XRCC4: variants seen among roughly 807,000 people sequenced by gnomAD.
XRCC4 encodes the protein DNA repair protein XRCC4.
XRCC4 carries 28 observed loss-of-function variants against 39.1 expected under a neutral mutation model. The ratio of observed to expected loss-of-function variants is 0.72; its 90% confidence interval spans 0.53 to 0.98. XRCC4 has a LOEUF of 0.98. XRCC4 is among the 50% of genes least tolerant of loss of function. XRCC4 has a pLI of 0.00. For synonymous variants in XRCC4, 123 were observed against 126.4 expected, an observed-to-expected ratio of 0.97 and a Z score of 0.18; for missense variants, 350 against 376.4, an observed-to-expected ratio of 0.93 and a Z score of 0.58.
downstream of XRCC4, chr5:83,356,683 A>G (rs536355235): frequency 1.3e-5 from 6 of 454,902 alleles, no homozygotes; most frequent in African/African-American, 1.0e-4. Flanking sequence ...TCCAGATCCT[A>G]TTATTCCATA....
At chr5:83,238,349 G>A (rs952425961) in intron 6 of XRCC4, among the ~76,000 whole-genome samples, 5 of 152,170 alleles carry the variant, frequency 3.3e-5, no homozygotes, top group Admixed American at 6.5e-5. Flanking sequence ...CTTAATGAAT[G>A]CTTTTGATTT....
intron 6 of XRCC4, among the ~76,000 whole-genome samples, chr5:83,243,011 A>G (rs1752971582): frequency 6.6e-6 from 1 of 152,220 alleles, no homozygotes; most frequent in South Asian, 2.1e-4. Flanking sequence ...TAGATTTTCA[A>G]TTATGATATC....
chr5:83,282,224 T>TAAAACC (rs994375373), intron 7 of XRCC4, among the ~76,000 whole-genome samples: 18 of 152,150 alleles, frequency 1.2e-4, no homozygotes, highest in African/African-American at 4.1e-4. Context: ...ATGAGTGCCT[T>TAAAACC]AAAACCGTTT....
intron 7 of XRCC4, among the ~76,000 whole-genome samples, chr5:83,278,942 C>T (rs1174324768): frequency 1.4e-5 from 2 of 146,482 alleles, no homozygotes; most frequent in South Asian, 2.1e-4. Flanking sequence ...GAGCCGAGAT[C>T]GTGCCACTCC....
At chr5:83,304,424 T>A (rs1755406794) in intron 7 of XRCC4, among the ~76,000 whole-genome samples, 1 of 152,202 alleles carries the variant, frequency 6.6e-6, no homozygotes, top group Admixed American at 6.5e-5. Flanking sequence ...TTTGCTCTCT[T>A]ACCTGAATTC....
chr5:83,143,599 C>T (rs1748288878), intron 3 of XRCC4, among the ~76,000 whole-genome samples: 1 of 152,068 alleles, frequency 6.6e-6, no homozygotes, highest in South Asian at 2.1e-4. Context: ...GAACAAATTC[C>T]TCTAGCATTT....
chr5:83,247,303 C>A (rs1753143322), intron 6 of XRCC4, among the ~76,000 whole-genome samples: 1 of 152,148 alleles, frequency 6.6e-6, no homozygotes, highest in Admixed American at 6.6e-5. Context: ...AATCCCCTAG[C>A]AGCAGACCAG....
chr5:83,149,037 G>A (rs9986131), intron 3 of XRCC4, among the ~76,000 whole-genome samples: 73,627 of 151,962 alleles, frequency 0.48, 18,798 homozygotes, highest in African/African-American at 0.63. Flanking sequence ...CAAGACCTTT[G>A]TTATTGAATC....
At chr5:83,103,025 T>TATATATATATATATATAC (rs943955057) in intron 1 of XRCC4, among the ~76,000 whole-genome samples, 5 of 142,660 alleles carry the variant, frequency 3.5e-5, no homozygotes, top group African/African-American at 1.4e-4. Flanking sequence ...TATATATATA[T>TATATATATATATATATAC]ATATATGTCA....
intron 6 of XRCC4, among the ~76,000 whole-genome samples, chr5:83,243,673 T>G (rs144157777): frequency 3.0e-4 from 46 of 152,234 alleles, no homozygotes; most frequent in African/African-American, 1.0e-3. Flanking sequence ...TGCGGTTACC[T>G]TGGAAAGGAT....
chr5:83,176,628 A>ATTTTT (rs112213729), intron 3 of XRCC4, among the ~76,000 whole-genome samples: 4 of 145,746 alleles, frequency 2.7e-5, no homozygotes, highest in African/African-American at 1.0e-4. Context: ...AAGTATTGGA[A>ATTTTT]TTTTTTTTTT....
chr5:83,110,038 T>C (rs140956917), intron 2 of XRCC4, among the ~76,000 whole-genome samples: 126 of 152,002 alleles, frequency 8.3e-4, no homozygotes, highest in African/African-American at 2.9e-3. Flanking sequence ...GCCTCAAATG[T>C]AAAAATCGAG....
chr5:83,340,977 CT>C (rs112137149), intron 7 of XRCC4, among the ~76,000 whole-genome samples: 2 of 152,012 alleles, frequency 1.3e-5, no homozygotes, highest in African/African-American at 4.8e-5. Context: ...TTTTCCTTAA[CT>C]GGACCACTAA....
At chr5:83,287,585 T>A (rs759062214) in intron 7 of XRCC4, among the ~76,000 whole-genome samples, 3 of 151,936 alleles carry the variant, frequency 2.0e-5, no homozygotes, top group Non-Finnish European at 4.4e-5. Flanking sequence ...CATGATACAT[T>A]TCCATCCATA....
the XRCC4 span, among the ~76,000 whole-genome samples, chr5:83,373,319 T>C: frequency 2.0e-5 from 3 of 152,142 alleles, no homozygotes; most frequent in African/African-American, 2.4e-5. Context: ...GTCAGCTGTT[T>C]CAAATGCCTT....
chr5:83,330,575 T>A (rs889460971), intron 7 of XRCC4, among the ~76,000 whole-genome samples: 2 of 151,974 alleles, frequency 1.3e-5, no homozygotes, highest in African/African-American at 4.8e-5. Context: ...ATGCACAGTA[T>A]AAGAGAGGGT....
intron 3 of XRCC4, among the ~76,000 whole-genome samples, chr5:83,175,278 A>G (rs1357542297): frequency 6.6e-6 from 1 of 152,236 alleles, no homozygotes; most frequent in East Asian, 1.9e-4. Context: ...ACATTATGGT[A>G]TAATTTTTAA....
intron 7 of XRCC4, among the ~76,000 whole-genome samples, chr5:83,295,644 G>A (rs534193066): frequency 7.2e-5 from 11 of 152,100 alleles, no homozygotes; most frequent in African/African-American, 2.6e-4. Context: ...AGAACATGCA[G>A]AGGCTCCAAG....
the XRCC4 span, among the ~76,000 whole-genome samples, chr5:83,366,576 C>T: frequency 6.6e-6 from 1 of 152,114 alleles, no homozygotes; most frequent in African/African-American, 2.4e-5. Context: ...TTTTCCATGC[C>T]TTCTTGGCAC....
Sources: allele counts gnomAD v4.1 joint callset (sites outside exome capture counted in the v4.1 genomes callset), GRCh38; gene constraint gnomAD v4.1.1; transcripts MANE v1.5; gene names NCBI Gene and HGNC (gene_info 2026-07-23, HGNC 2026-07-21).